The following DNAH3 variants were observed in gnomAD, a reference collection of about 807,000 sequenced individuals.
DNAH3 encodes the protein dynein axonemal heavy chain 3.
A neutral mutation model predicts 432.5 loss-of-function variants in DNAH3; 332 were observed. That is an observed-to-expected ratio of 0.77 (90% CI 0.70 to 0.84). DNAH3 has a LOEUF of 0.84. Among genes scored for constraint, DNAH3 ranks in the 40% least tolerant of loss-of-function variants. The pLI is 0.00. For missense variants in DNAH3, 4,861 were observed against 5,114.0 expected (o/e 0.95, Z 1.51); for synonymous variants, 1,956 against 1,900.2 (o/e 1.03, Z -0.76).
At chr16:20,988,146 G>A in intron 44 of DNAH3, 81 bp from the exon 45 acceptor site, 11 of 1,567,818 alleles carry the variant, frequency 7.0e-6, no homozygotes, top group Non-Finnish European at 9.5e-6. Flanking sequence ...TGCACACGAG[G>A]TGGCTTTGCC....
At chr16:21,075,075 T>G (rs1371787748) in intron 21 of DNAH3, among the ~76,000 whole-genome samples, 5 of 152,214 alleles carry the variant, frequency 3.3e-5, no homozygotes, top group East Asian at 1.9e-4. Context: ...GATTCCTGCA[T>G]GCATTGACAT....
rs112745951 is a variant in DNAH3 at position 21,081,534 on chromosome 16, G to GA, written c.2969+101dup. The stretch of plus-strand genomic sequence containing the variant: ...GCCTTAAGCCACCCTACGCCACAAG[G>GA]AAAAAAAAACAAACAGCCCGATATG... On this transcript the variant is annotated intron_variant, in intron 20 of 61. Coordinates refer to ENST00000261383, the Ensembl canonical transcript of DNAH3. 7,684 of 871,676 alleles carry GA rather than the reference G, an allele frequency of 8.8e-3. 85 individuals carry two copies. The highest frequency in any genetic ancestry group is 0.054 in the African/African-American group (3,155 of 58,334). 54.0% of individuals were successfully genotyped at this position (871,676 alleles called of 1,614,324 possible).
At chr16:20,965,073 C>G in exon 53 of DNAH3, 1 of 1,614,132 alleles carries the variant, frequency 6.2e-7, no homozygotes, top group East Asian at 2.2e-5. Flanking sequence ...CATTCAGGGC[C>G]TGGAGCCGAT....
At chr16:21,154,215 CCAACATGGT>C (rs1250984602) in intron 1 of DNAH3, among the ~76,000 whole-genome samples, 3 of 152,180 alleles carry the variant, frequency 2.0e-5, no homozygotes, top group Non-Finnish European at 2.9e-5. Context: ...ACCAACCTGG[CCAACATGGT>C]GAAACCCCGT....
intron 52 of DNAH3, among the ~76,000 whole-genome samples, chr16:20,969,446 G>C (rs763277684): frequency 3.3e-5 from 5 of 151,440 alleles, no homozygotes; most frequent in South Asian, 2.1e-4. Flanking sequence ...CTCTCTCTCT[G>C]TAGCTCTCCT....
intron 59 of DNAH3, among the ~76,000 whole-genome samples, chr16:20,941,195 G>T (rs115271270): frequency 4.0e-4 from 61 of 152,284 alleles, no homozygotes; most frequent in African/African-American, 1.5e-3. Context: ...TCACATGAAT[G>T]AATGGGAATG....
At chr16:21,057,409 G>A (rs1476669642) in intron 27 of DNAH3, among the ~76,000 whole-genome samples, 8 of 152,114 alleles carry the variant, frequency 5.3e-5, no homozygotes, top group Admixed American at 6.6e-5. Context: ...TCTAAGTACC[G>A]AATCATTTAC....
intron 41 of DNAH3, among the ~76,000 whole-genome samples, chr16:21,007,211 CCTT>C (rs2152697490): frequency 1.3e-5 from 2 of 149,642 alleles, no homozygotes; most frequent in South Asian, 4.2e-4. Context: ...ATTTGTATAT[CCTT>C]TTTTTTTTTT....
chr16:20,995,325 C>T (rs1347333308), intron 44 of DNAH3, among the ~76,000 whole-genome samples: 1 of 150,120 alleles, frequency 6.7e-6, no homozygotes, highest in Admixed American at 6.6e-5. Context: ...CCTCTGCCTC[C>T]CAGGTTCAAG....
chr16:20,975,556 G>A (rs556657282), intron 50 of DNAH3, 141 bp from the exon 51 acceptor site: 17 of 796,380 alleles, frequency 2.1e-5, no homozygotes, highest in Admixed American at 1.5e-4. Flanking sequence ...GTACAGATTC[G>A]TTTCCTAGTG....
chr16:21,092,039 C>T (rs2091551049), intron 18 of DNAH3, among the ~76,000 whole-genome samples: 1 of 152,024 alleles, frequency 6.6e-6, no homozygotes, highest in Admixed American at 6.6e-5. Context: ...CCAGTTCTTC[C>T]CAACTTGATC....
intron 1 of DNAH3, 37 bp from the exon 2 acceptor site, chr16:21,150,571 G>C: frequency 4.2e-6 from 1 of 236,464 alleles, no homozygotes; most frequent in East Asian, 1.1e-4. Context: ...CTAGAGATAA[G>C]GGGACAGCAC....
intron 50 of DNAH3, among the ~76,000 whole-genome samples, chr16:20,979,081 T>A (rs1429661845): frequency 6.6e-6 from 1 of 151,776 alleles, no homozygotes; most frequent in Non-Finnish European, 1.5e-5. Context: ...AGATAAATAA[T>A]ACATTATTGC....
intron 52 of DNAH3, among the ~76,000 whole-genome samples, chr16:20,967,492 C>CTTT (rs756357963): frequency 4.9e-4 from 26 of 52,804 alleles, no homozygotes; most frequent in African/African-American, 6.7e-4. Flanking sequence ...CAGACTTCTG[C>CTTT]TTTTTTTTTT....
At chr16:21,028,996 A>G (rs560991911) in intron 37 of DNAH3, among the ~76,000 whole-genome samples, 2 of 152,344 alleles carry the variant, frequency 1.3e-5, no homozygotes, top group South Asian at 2.1e-4. Context: ...CAAGGCTGAC[A>G]CCACCAACCG....
rs150007180 is a variant in DNAH3, at chr16:20,971,415, C to G, written c.8260-1425G>C. 2.4e-3 allele frequency among the ~76,000 whole-genome samples: 361 copies of G among 152,218 alleles called. 4 individuals carry two copies. Among genetic ancestry groups the G allele is most frequent in the Middle Eastern group, 0.014 (4 of 294 alleles). The stretch of plus-strand genomic sequence containing the variant: ...AGATTAGAGAAAATTAGCAACTTCT[C>G]CTGGGCAGGAGGGCCACAGCCCTGA... On this transcript the variant is annotated intron_variant, in intron 51 of 61. Coordinates refer to ENST00000261383, the Ensembl canonical transcript of DNAH3.
intron 44 of DNAH3, 115 bp from the exon 45 acceptor site, chr16:20,988,180 G>A: frequency 2.9e-6 from 4 of 1,391,508 alleles, no homozygotes; most frequent in Non-Finnish European, 3.9e-6. Flanking sequence ...TTCCAGAGCT[G>A]TGCTGTGCAA....
At chr16:21,037,685 G>T in intron 34 of DNAH3, 76 bp downstream of exon 34, 1 of 1,286,786 alleles carries the variant, frequency 7.8e-7, no homozygotes, top group Non-Finnish European at 1.1e-6. Context: ...AGGGTATGGG[G>T]AAGGCACCAA....
chr16:21,111,886 T>C lies in DNAH3; in HGVS notation c.1921-82A>G, dbSNP rs555704546. ...CCCCAGCCTAACCCCTGGCCAACCCTAGTCCAATGCTGAGCATGGTCTATG... is the reference window on the plus strand; with the variant it reads ...CCCCAGCCTAACCCCTGGCCAACCCCAGTCCAATGCTGAGCATGGTCTATG... On this transcript the variant is annotated intron_variant, in intron 13 of 61. Transcript: ENST00000261383. 3 of 1,564,894 alleles carry C rather than the reference T, an allele frequency of 1.9e-6. No homozygotes were observed. In the East Asian group the frequency reaches 6.8e-5, roughly 35 times the overall value.
Sources: allele counts gnomAD v4.1 joint callset (sites outside exome capture counted in the v4.1 genomes callset), GRCh38; gene constraint gnomAD v4.1.1; transcripts MANE v1.5; gene names NCBI Gene and HGNC (gene_info 2026-07-23, HGNC 2026-07-21).